Variants in RECK observed in about 807,000 individuals in gnomAD.
RECK encodes reversion inducing cysteine rich protein with kazal motifs.
A neutral mutation model predicts 115.1 loss-of-function variants in RECK; 69 were observed. The ratio of observed to expected loss-of-function variants is 0.60; its 90% CI spans 0.49 to 0.73. The LOEUF is 0.73. Among genes scored for constraint, RECK ranks in the 30% least tolerant of loss-of-function variants. The pLI is 0.00. For missense variants in RECK, 1,047 were observed against 1,203.7 expected, an observed-to-expected ratio of 0.87 and a Z score of 1.93; for synonymous variants, 414 against 419.7, an observed-to-expected ratio of 0.99 and a Z score of 0.17.
intron 15 of RECK, among the ~76,000 whole-genome samples, chr9:36,111,528 G>C (rs1025666898): frequency 1.3e-5 from 2 of 152,146 alleles, no homozygotes; most frequent in Admixed American, 6.5e-5. Flanking sequence ...CAAGTAGCTA[G>C]GAACGACAGG....
chr9:36,071,350 G>A (rs1822222503), intron 6 of RECK, among the ~76,000 whole-genome samples: 1 of 152,286 alleles, frequency 6.6e-6, no homozygotes, highest in South Asian at 2.1e-4. Context: ...CCCAGAGACT[G>A]GCAATGGCTA....
In RECK at chr9:36,050,024, G is replaced by A. The variant is rs150415362; in HGVS notation, c.101-2241G>A. On this transcript the variant is annotated intron_variant, in intron 1 of 20. Coordinates refer to ENST00000377966, the MANE Select transcript of RECK (RefSeq NM_021111.3). ...TTAATTATCTTCCCATACATTGACC[G>A]TTCTCACCTGTCTCTGAAGGAGGGA... Among the ~76,000 whole-genome samples, 18 of 152,082 alleles carry A rather than the reference G, an allele frequency of 1.2e-4. No individual in the cohort carries two copies. The East Asian group carries it at 3.1e-3, about 26-fold the overall frequency.
At chr9:36,068,360 T>A (rs557489996) in intron 6 of RECK, among the ~76,000 whole-genome samples, 79 of 152,308 alleles carry the variant, frequency 5.2e-4, no homozygotes, top group Non-Finnish European at 8.8e-4. Flanking sequence ...AGGGAGATAA[T>A]CTAATCTTTT....
At chr9:36,054,521 C>CA (rs199639967) in intron 2 of RECK, among the ~76,000 whole-genome samples, 127 of 140,590 alleles carry the variant, frequency 9.0e-4, no homozygotes, top group Middle Eastern at 3.7e-3. Context: ...AAAAAAAAGC[C>CA]AATTAGTGGA....
intron 2 of RECK, 133 bp from the exon 3 acceptor site, chr9:36,058,694 A>G (rs561696616): frequency 1.5e-4 from 37 of 251,274 alleles, no homozygotes; most frequent in African/African-American, 8.7e-4. Context: ...AAAATTTAAA[A>G]ATAAATAAAT....
At chr9:36,052,017 A>G (rs1314495892) in intron 1 of RECK, among the ~76,000 whole-genome samples, 2 of 152,194 alleles carry the variant, frequency 1.3e-5, no homozygotes, top group African/African-American at 4.8e-5. Flanking sequence ...CACACTAAAT[A>G]GTAGCTATTA....
chr9:36,037,351 G>GC (rs1287074435), intron 1 of RECK, among the ~76,000 whole-genome samples: 4 of 151,744 alleles, frequency 2.6e-5, no homozygotes, highest in African/African-American at 7.3e-5. Context: ...ACCGACACGG[G>GC]CCCCCTCTTC....
At chr9:36,092,724 C>T (rs969924923) in intron 10 of RECK, among the ~76,000 whole-genome samples, 1 of 151,706 alleles carries the variant, frequency 6.6e-6, no homozygotes, top group Non-Finnish European at 1.5e-5. Context: ...CCACACTGAG[C>T]GAAAGCCACA....
intron 5 of RECK, 117 bp downstream of exon 5, chr9:36,063,997 A>G (rs1821890334): frequency 1.1e-6 from 1 of 882,588 alleles, no homozygotes; most frequent in African/African-American, 1.7e-5. Flanking sequence ...TAAAAACTGC[A>G]AATTTAGCAT....
At chr9:36,047,828 G>T (rs1821126323) in intron 1 of RECK, among the ~76,000 whole-genome samples, 1 of 146,562 alleles carries the variant, frequency 6.8e-6, no homozygotes, top group Admixed American at 6.8e-5. Context: ...AAAAAAAAAG[G>T]CTAGCTAACC....
At chr9:36,056,842 TA>T in intron 2 of RECK, 1 of 305,028 alleles carries the variant, frequency 3.3e-6, no homozygotes, top group East Asian at 1.7e-4. Flanking sequence ...GATAATTGTC[TA>T]AATGCATTAA....
At chr9:36,078,267 G>C (rs936193287) in intron 6 of RECK, among the ~76,000 whole-genome samples, 5 of 152,246 alleles carry the variant, frequency 3.3e-5, no homozygotes, top group Non-Finnish European at 7.3e-5. Flanking sequence ...AGTTGGACTA[G>C]ATGATTTCTC....
Position 36,105,284 on chromosome 9 carries a change from GTAA to G in RECK, c.1576+2_1576+4del. On this transcript the variant is annotated splice_donor_variant and splice_donor_region_variant and intron_variant, in intron 13 of 20. Coordinates refer to ENST00000377966, the MANE Select transcript of RECK (RefSeq NM_021111.3). LOFTEE classifies it high-confidence loss of function. ...TGTCTTCCATACTTTTGTGTTCAAG[GTAA>G]GAGGTAGGTGGGTGTGAGAAGAGGA... 6.2e-7 allele frequency: 1 copy of G among 1,613,922 alleles called. No homozygotes were observed.
chr9:36,040,343 T>G (rs549579033), intron 1 of RECK, among the ~76,000 whole-genome samples: 5 of 152,132 alleles, frequency 3.3e-5, no homozygotes, highest in Non-Finnish European at 5.9e-5. Context: ...AGGTAAAGTT[T>G]AGAACTGAGA....
intron 17 of RECK, 117 bp from the exon 18 acceptor site, chr9:36,118,640 T>C: frequency 1.0e-6 from 1 of 991,030 alleles, no homozygotes; most frequent in East Asian, 2.6e-5. Flanking sequence ...GAGGTCCTCA[T>C]AATTTATACC....
chr9:36,110,791 G>A (rs377427267), intron 15 of RECK, among the ~76,000 whole-genome samples: 60 of 151,974 alleles, frequency 3.9e-4, no homozygotes, highest in African/African-American at 1.2e-3. Context: ...AGTATTACAT[G>A]TGGAGAGGGG....
At chr9:36,080,492 G>A (rs771476543) in intron 6 of RECK, 113 bp from the exon 7 acceptor site, 2 of 857,552 alleles carry the variant, frequency 2.3e-6, no homozygotes, top group Non-Finnish European at 3.7e-6. Context: ...TGGATTTAGG[G>A]AAGAATTAAA....
intron 12 of RECK, among the ~76,000 whole-genome samples, chr9:36,104,617 C>T (rs1306509566): frequency 6.6e-6 from 1 of 151,552 alleles, no homozygotes; most frequent in Non-Finnish European, 1.5e-5. Context: ...TCAAGCAATT[C>T]TCCTGCCTCA....
intron 16 of RECK, among the ~76,000 whole-genome samples, chr9:36,116,251 C>T (rs1414706037): frequency 6.6e-6 from 1 of 151,762 alleles, no homozygotes; most frequent in Non-Finnish European, 1.5e-5. Flanking sequence ...GCCTCAGCCT[C>T]CTGAGTAGCT....
Sources: allele counts gnomAD v4.1 joint callset (sites outside exome capture counted in the v4.1 genomes callset), GRCh38; gene constraint gnomAD v4.1.1; transcripts MANE v1.5; gene names NCBI Gene and HGNC (gene_info 2026-07-23, HGNC 2026-07-21).